Variants in CEP192 observed in about 807,000 individuals in gnomAD.
CEP192 encodes the protein centrosomal protein 192.
Under a neutral mutation model 271.8 loss-of-function variants are expected in CEP192, and 151 were observed. The ratio of observed to expected loss-of-function variants is 0.56; its 90% CI spans 0.49 to 0.64. The LOEUF (loss-of-function observed/expected upper bound fraction) is 0.64. Ranked by LOEUF, CEP192 falls within the 30% of genes least tolerant of loss-of-function variation. The pLI is 0.00. For synonymous variants in CEP192, 995 were observed against 1,076.5 expected, an observed-to-expected ratio of 0.92 and a Z score of 1.48; for missense variants, 2,910 against 3,020.5, an observed-to-expected ratio of 0.96 and a Z score of 0.86.
chr18:13,072,980 T>G (rs1787013), intron 29 of CEP192, 29 bp from the exon 30 acceptor site: 1 of 1,594,094 alleles, frequency 6.3e-7, no homozygotes, highest in Non-Finnish European at 8.6e-7. Context: ...CTGCTTTGTT[T>G]TATGCATTTA....
At chr18:13,060,778 G>C (rs1031006323) in intron 21 of CEP192, among the ~76,000 whole-genome samples, 6 of 152,012 alleles carry the variant, frequency 3.9e-5, no homozygotes, top group Non-Finnish European at 8.8e-5. Context: ...TTAAAAATCA[G>C]CTGGGTGTGG....
intron 21 of CEP192, among the ~76,000 whole-genome samples, chr18:13,063,720 G>A (rs1259316415): frequency 6.6e-6 from 1 of 151,960 alleles, no homozygotes; most frequent in Admixed American, 6.6e-5. Context: ...TTTTTAGCTT[G>A]ATGTGATCCC....
In CEP192 at chr18:13,019,103, ATAG is replaced by A; in HGVS notation, c.951_953del (p.Ser317del). On this transcript the variant is annotated inframe_deletion, in exon 9 of 45. Coordinates refer to ENST00000506447, the MANE Select transcript of CEP192 (RefSeq NM_032142.4). ...TCAGGTAATTCTATAGGTACTGGAG[ATAG>A]TAGAAGGTACACAGATGGTATGTTA... 6.5e-7 allele frequency: 1 copy of A among 1,539,186 alleles called. No homozygotes were observed. Among genetic ancestry groups the A allele is most frequent in the Non-Finnish European group, 8.8e-7 (1 of 1,142,592 alleles).
chr18:13,092,014 T>A lies in CEP192; in HGVS notation c.6104-363T>A, dbSNP rs183923144. Among the ~76,000 whole-genome samples, 46 of 152,366 alleles carry A rather than the reference T, an allele frequency of 3.0e-4. 1 individual carries two copies. Among genetic ancestry groups the A allele is most frequent in the African/African-American group, 1.1e-3 (46 of 41,592 alleles). On this transcript the variant is annotated intron_variant, in intron 33 of 44. Transcript: ENST00000506447. ...ATGTCCACATTAAGCTTCATATAAA[T>A]GTTTGTTGCCGAATATATCTACAAA...
chr18:13,068,193 C>T lies in CEP192; in HGVS notation c.4714C>T (p.Pro1572Ser). ...CADVVTRLAG[P>S]SVVNHMMPAS... ...TGATGTGGTCACTCGGCTAGCAGGCCCTTCTGTGGTCAACCACATGATGCC... is the reference window on the plus strand; with the variant it reads ...TGATGTGGTCACTCGGCTAGCAGGCTCTTCTGTGGTCAACCACATGATGCC... The change falls in exon 23 of 45, where the codon CCT becomes TCT. Residue 1572 changes from proline (P) to serine (S), a missense_variant. Transcript: ENST00000506447. 1 of 1,614,212 alleles carries T rather than the reference C, an allele frequency of 6.2e-7. No individual in the cohort carries two copies. The highest frequency in any genetic ancestry group is 8.5e-7 in the Non-Finnish European group (1 of 1,180,040).
At chr18:12,991,550 G>T (rs1396601350) in intron 1 of CEP192, 113 bp downstream of exon 1, 5 of 152,446 alleles carry the variant, frequency 3.3e-5, no homozygotes, top group African/African-American at 7.2e-5. Flanking sequence ...TGGGCCGGGT[G>T]GGGGCGCAGG....
chr18:13,116,152 C>A (rs3786162), intron 42 of CEP192, among the ~76,000 whole-genome samples: 20,831 of 152,158 alleles, frequency 0.14, 1,572 homozygotes, highest in East Asian at 0.31. Context: ...GGTAGAGACC[C>A]AGGCTGTGAG....
intron 9 of CEP192, among the ~76,000 whole-genome samples, chr18:13,028,497 T>C (rs2035430793): frequency 6.6e-6 from 1 of 152,176 alleles, no homozygotes; most frequent in African/African-American, 2.4e-5. Flanking sequence ...ATCTGGAATT[T>C]ATTTTGATGT....
chr18:13,038,697 A>C, intron 13 of CEP192, 118 bp downstream of exon 13: 1 of 784,430 alleles, frequency 1.3e-6, no homozygotes, highest in South Asian at 1.7e-5. Context: ...GAGTGGTAAA[A>C]AACTTAGGTT....
chr18:13,069,633 C>T (rs2037901743), intron 26 of CEP192, 105 bp from the exon 27 acceptor site: 1 of 703,566 alleles, frequency 1.4e-6, no homozygotes, highest in Non-Finnish European at 2.5e-6. Context: ...AGGGGACAAA[C>T]AACCTGTCCT....
At chr18:13,057,875 C>G in intron 20 of CEP192, 142 bp downstream of exon 20, 1 of 680,960 alleles carries the variant, frequency 1.5e-6, no homozygotes. Context: ...TCTCTCAGAC[C>G]CCTTTTGTTG....
chr18:13,043,518 A>T (rs1193114088), intron 15 of CEP192, among the ~76,000 whole-genome samples: 2 of 152,178 alleles, frequency 1.3e-5, no homozygotes, highest in Admixed American at 1.3e-4. Flanking sequence ...TAACTTTATT[A>T]TAATAAGTCT....
At chr18:13,037,182 C>T in intron 11 of CEP192, 55 bp from the exon 12 acceptor site, 1 of 735,004 alleles carries the variant, frequency 1.4e-6, no homozygotes, top group Non-Finnish European at 2.4e-6. Context: ...TATCTGTGTG[C>T]TAGTGTTTGT....
At chr18:13,099,322 C>T (rs2039594569) in intron 36 of CEP192, among the ~76,000 whole-genome samples, 154 bp from the exon 37 acceptor site, 1 of 152,090 alleles carries the variant, frequency 6.6e-6, no homozygotes, top group Non-Finnish European at 1.5e-5. Flanking sequence ...CTTGTGGGAG[C>T]CATGTGGGAG....
chr18:13,064,099 G>A (rs544032262), intron 21 of CEP192, among the ~76,000 whole-genome samples: 11 of 152,022 alleles, frequency 7.2e-5, no homozygotes, highest in Non-Finnish European at 1.5e-4. Flanking sequence ...GATTACAGGC[G>A]TGAGCCACTG....
chr18:13,050,061 CT>C (rs66693904), intron 17 of CEP192, among the ~76,000 whole-genome samples, 170 bp downstream of exon 17: 24 of 148,072 alleles, frequency 1.6e-4, no homozygotes, highest in South Asian at 1.1e-3. Flanking sequence ...TTGTATATTG[CT>C]TTTTTTTTTA....
chr18:13,038,280 C>T, intron 12 of CEP192, 90 bp from the exon 13 acceptor site: 1,571 of 992,492 alleles, frequency 1.6e-3, no homozygotes, highest in South Asian at 5.9e-3. Context: ...TTTAAATTTT[C>T]TTGGTAAGAC....
chr18:13,030,136 T>A, intron 10 of CEP192, 134 bp downstream of exon 10: 1 of 740,992 alleles, frequency 1.3e-6, no homozygotes, highest in Non-Finnish European at 2.1e-6. Context: ...AACAAAATTT[T>A]AAATCTACTT....
intron 43 of CEP192, 103 bp from the exon 44 acceptor site, chr18:13,117,482 A>C (rs1226905873): frequency 2.4e-6 from 2 of 838,738 alleles, no homozygotes; most frequent in South Asian, 3.3e-5. Context: ...GCAATACCTA[A>C]ATTTACAAAA....
Sources: gnomAD v4.1 joint callset for allele counts (sites outside exome capture counted in the v4.1 genomes callset) on GRCh38, gnomAD v4.1.1 for gene constraint, MANE v1.5 for transcripts, NCBI Gene and HGNC (gene_info 2026-07-23, HGNC 2026-07-21) for gene names.